Variants in PKD1L1 observed in about 807,000 individuals in gnomAD.
PKD1L1 encodes the protein polycystin 1 like 1, transient receptor potential channel interacting, also known as polycystin-1-like protein 1.
Under a neutral mutation model 323.4 loss-of-function variants are expected in PKD1L1, and 236 were observed. The observed-to-expected ratio is 0.73, with a 90% CI of 0.66 to 0.81. The LOEUF is 0.81. Ranked by LOEUF, PKD1L1 falls within the 40% of genes least tolerant of loss-of-function variation. The pLI is 0.00. For missense variants in PKD1L1, 3,320 were observed against 3,508.0 expected, an observed-to-expected ratio of 0.95 and a Z score of 1.35; for synonymous variants, 1,344 against 1,335.0, an observed-to-expected ratio of 1.01 and a Z score of -0.15.
At chr7:47,871,064 A>T (rs1404083358) in intron 24 of PKD1L1, among the ~76,000 whole-genome samples, 1 of 152,030 alleles carries the variant, frequency 6.6e-6, no homozygotes, top group Non-Finnish European at 1.5e-5. Context: ...AAGACAACAC[A>T]GGAAAAGAAA....
At chr7:47,898,297 T>G in intron 13 of PKD1L1, 103 bp from the exon 14 acceptor site, 1 of 956,530 alleles carries the variant, frequency 1.0e-6, no homozygotes, top group South Asian at 1.6e-5. Flanking sequence ...TCCCATTATT[T>G]GTTTGCATAG....
chr7:47,858,101 G>A (rs931568039), intron 27 of PKD1L1, among the ~76,000 whole-genome samples: 5 of 152,062 alleles, frequency 3.3e-5, no homozygotes, highest in African/African-American at 9.7e-5. Flanking sequence ...GTAGCCATCC[G>A]TTAAATAAGC....
chr7:47,928,196 A>T (rs1787690137), intron 7 of PKD1L1, among the ~76,000 whole-genome samples: 1 of 152,218 alleles, frequency 6.6e-6, no homozygotes, highest in Non-Finnish European at 1.5e-5. Context: ...ATAGAAAAGG[A>T]CTTTTTACTA....
chr7:47,933,791 T>C (rs1787817156), intron 4 of PKD1L1, among the ~76,000 whole-genome samples: 1 of 152,230 alleles, frequency 6.6e-6, no homozygotes, highest in Non-Finnish European at 1.5e-5. Flanking sequence ...GCGCACACTC[T>C]TCCACTATTG....
chr7:47,820,491 G>A (rs1785116203), intron 46 of PKD1L1, among the ~76,000 whole-genome samples: 4 of 152,184 alleles, frequency 2.6e-5, no homozygotes, highest in South Asian at 4.1e-4. Context: ...TTGGGAGGCC[G>A]AGGCGGGTGG....
intron 45 of PKD1L1, among the ~76,000 whole-genome samples, chr7:47,822,203 TTGCTCATTG>T (rs1056341839): frequency 1.3e-5 from 2 of 152,214 alleles, no homozygotes; most frequent in African/African-American, 4.8e-5. Context: ...TCCTCTGACT[TTGCTCATTG>T]TTTTCAGAAT....
chr7:47,914,635 C>G (rs750702093), intron 8 of PKD1L1, among the ~76,000 whole-genome samples: 1 of 152,138 alleles, frequency 6.6e-6, no homozygotes, highest in Non-Finnish European at 1.5e-5. Flanking sequence ...GGAGGATCAC[C>G]CAGAATCCTG....
Position 47,905,820 on chromosome 7 carries a change from C to G in PKD1L1, c.1522+23G>C, listed in dbSNP as rs368894361. 2.5e-6 allele frequency: 4 copies of G among 1,609,794 alleles called. No homozygotes were observed. The African/African-American group carries it at 4.0e-5, about 16-fold the overall frequency. ...TGCGCGAGGGAGGTTTTTGTTAAAT[C>G]TGGAATTAAAACAAAGACATACATT... On this transcript the variant is annotated intron_variant, in intron 10 of 56. Transcript: ENST00000289672.
At chr7:47,938,600 G>A (rs980599804) in intron 3 of PKD1L1, among the ~76,000 whole-genome samples, 3 of 152,194 alleles carry the variant, frequency 2.0e-5, no homozygotes, top group Admixed American at 6.5e-5. Context: ...TGTGACCTTC[G>A]CCTGAGCCCA....
chr7:47,860,727 T>C (rs1394078577), intron 26 of PKD1L1, among the ~76,000 whole-genome samples: 2 of 152,258 alleles, frequency 1.3e-5, no homozygotes, highest in East Asian at 1.9e-4. Flanking sequence ...ATCAGAATGG[T>C]CACTTTAAGA....
intron 28 of PKD1L1, among the ~76,000 whole-genome samples, chr7:47,857,263 G>T (rs1022952667): frequency 6.6e-6 from 1 of 152,162 alleles, no homozygotes; most frequent in African/African-American, 2.4e-5. Flanking sequence ...GACACGATTG[G>T]CCAGAATGCT....
rs2128749962 is a variant in PKD1L1, at chr7:47,898,052, T to C, written c.2207A>G (p.His736Arg). ...PVSLPAAVDT[H>R]RQTLILPSHT... ...GCTCGGGAGGATGAGGGTCTGTCTGTGAGTGTCCACAGCAGCAGGGAGGGA... is the reference window on the plus strand; with the variant it reads ...GCTCGGGAGGATGAGGGTCTGTCTGCGAGTGTCCACAGCAGCAGGGAGGGA... The change falls in exon 14 of 57, where the codon CAC (histidine) becomes CGC (arginine). Residue 736 changes from histidine to arginine, a missense_variant. Physicochemically the swap from His to Arg is conservative, Grantham distance 29. Coordinates refer to ENST00000289672, the MANE Select transcript of PKD1L1 (RefSeq NM_138295.5). The C allele has an allele frequency of 1.2e-6, 2 of 1,613,728 alleles. No individual in the cohort carries two copies. The highest frequency in any genetic ancestry group is 2.2e-5 in the East Asian group (1 of 44,880).
chr7:47,905,300 A>C lies in PKD1L1; in HGVS notation c.1548T>G (p.Thr516=), dbSNP rs758068946. 6.2e-6 allele frequency: 10 copies of C among 1,614,128 alleles called. No homozygotes were observed. The East Asian group carries it at 2.0e-4, about 32-fold the overall frequency. Residue 516 remains threonine (T), a synonymous_variant, in exon 11 of 57, where the codon ACT becomes ACG. Transcript: ENST00000289672. The stretch of plus-strand genomic sequence containing the variant: ...TAATGTCTGTGTCTGTGGCAAACAC[A>C]GTTCCATTTGTGTAGACAGAGACGG... ...MQSVSVYTNG[T]VFATDTDITF... is the part of the protein sequence containing the mutation.
chr7:47,826,210 C>CTATA (rs1785237788), intron 45 of PKD1L1, among the ~76,000 whole-genome samples: 1 of 152,216 alleles, frequency 6.6e-6, no homozygotes, highest in South Asian at 2.1e-4. Flanking sequence ...AGCTGCTAAG[C>CTATA]TATAGGGTGG....
intron 13 of PKD1L1, among the ~76,000 whole-genome samples, chr7:47,901,033 A>G (rs1163246729): frequency 1.3e-5 from 2 of 152,154 alleles, no homozygotes; most frequent in African/African-American, 4.8e-5. Context: ...ATACTTTTAG[A>G]AAACACGTAA....
chr7:47,796,121 T>C lies in PKD1L1; in HGVS notation c.8223A>G (p.Gln2741=), dbSNP rs762234520. ...MLRGFLMTLP[Q]KRKSFQSKSF... is the part of the protein sequence containing the mutation. ...ATTTACTTTGAAAAGATTTTCTTTT[T>C]TGGGGTAAAGTCATGAGAAAACCTC... The change falls in exon 55 of 57, where the codon CAA becomes CAG. Residue 2741 remains glutamine (Q), a synonymous_variant. Coordinates refer to ENST00000289672, the MANE Select transcript of PKD1L1 (RefSeq NM_138295.5). The C allele has an allele frequency of 1.3e-5, 21 of 1,608,814 alleles. No homozygotes were observed. The highest frequency in any genetic ancestry group is 2.2e-5 in the East Asian group (1 of 44,844).
At chr7:47,789,116 C>A (rs1311338336) in intron 56 of PKD1L1, among the ~76,000 whole-genome samples, 1 of 152,172 alleles carries the variant, frequency 6.6e-6, no homozygotes, top group East Asian at 1.9e-4. Flanking sequence ...CATAAAAACA[C>A]ATTCGGAAGC....
Position 47,873,932 on chromosome 7 carries a change from C to T in PKD1L1, c.3863G>A (p.Arg1288His), listed in dbSNP as rs573425324. 6.2e-6 allele frequency: 10 copies of T among 1,613,808 alleles called. No individual in the cohort carries two copies. Among genetic ancestry groups the T allele is most frequent in the East Asian group, 2.2e-5 (1 of 44,870 alleles). ...PCTVVVTVLPRYHGNDCLGED... is the reference protein window; with the variant it reads ...PCTVVVTVLPHYHGNDCLGED... Reference sequence around the variant, plus strand: ...GCCCAGACAGTCATTTCCATGGTAGCGGGGCAGCACAGTCACCACCACAGT... The same window carrying T: ...GCCCAGACAGTCATTTCCATGGTAGTGGGGCAGCACAGTCACCACCACAGT... Residue 1288 changes from arginine (R) to histidine (H), a missense_variant, in exon 24 of 57, where the codon CGC becomes CAC. By Grantham distance (29) the Arg-to-His change is conservative (BLOSUM62 0). Transcript: ENST00000289672.
chr7:47,905,763 T>A, intron 10 of PKD1L1, 80 bp downstream of exon 10: 1 of 1,565,588 alleles, frequency 6.4e-7, no homozygotes, highest in Non-Finnish European at 8.6e-7. Flanking sequence ...CAAAACCTGC[T>A]GCTGCCTACG....
Sources: allele counts gnomAD v4.1 joint callset (sites outside exome capture counted in the v4.1 genomes callset), GRCh38; gene constraint gnomAD v4.1.1; transcripts MANE v1.5; gene names NCBI Gene and HGNC (gene_info 2026-07-23, HGNC 2026-07-21).